Variants in ZNF431 observed in about 807,000 individuals in gnomAD.
ZNF431 encodes zinc finger protein 431.
ZNF431 carries 34 observed loss-of-function variants against 57.0 expected under a neutral mutation model. That is an observed-to-expected ratio of 0.60 (90% CI 0.45 to 0.79). The LOEUF is 0.79. ZNF431 is among the 30% of genes least tolerant of loss of function. The pLI is 0.00. For synonymous variants in ZNF431, 207 were observed against 220.3 expected (o/e 0.94, Z 0.54); for missense variants, 607 against 667.1 (o/e 0.91, Z 0.99).
chr19:21,186,451 TGTGA>T lies in ZNF431; in HGVS notation c.*2420_*2423del, dbSNP rs1971377493. On this transcript the variant is annotated 3_prime_UTR_variant, in exon 5 of 5. Coordinates refer to ENST00000311048, the MANE Select transcript of ZNF431 (RefSeq NM_133473.4). ...AAAATTATGGAGTTAAGTATGTGTG[TGTGA>T]GTATGAGTTTGTACATATTTTCAGA... 2 of 152,212 alleles carry T rather than the reference TGTGA, an allele frequency of 1.3e-5. No individual in the cohort carries two copies. The highest frequency in any genetic ancestry group is 2.9e-5 in the Non-Finnish European group (2 of 68,036). 9.4% of individuals were successfully genotyped at this position (152,212 alleles called of 1,614,324 possible). A position where few individuals can be genotyped will look rare whatever the true frequency, so the allele number is the denominator to read the frequency against.
At chr19:21,149,776 C>A in intron 2 of ZNF431, 1 of 634,728 alleles carries the variant, frequency 1.6e-6, no homozygotes. Flanking sequence ...TGTAGTTGGT[C>A]CTGATAGCTT....
chr19:21,183,084 A>C lies in ZNF431; in HGVS notation c.781A>C (p.Lys261Gln), dbSNP rs773217690. The change falls in exon 5 of 5, where the codon AAA becomes CAA. Residue 261 changes from lysine to glutamine, a missense_variant. Transcript: ENST00000311048. ...AATTCATACTGGAGAGAAACCCTTC[A>C]AATGTGAAGAATGTGGCAAAGCTTT... The part of the protein sequence containing the change: ...KRIHTGEKPF[K>Q]CEECGKAFKQ... 2.5e-6 allele frequency: 4 copies of C among 1,614,052 alleles called. No individual in the cohort carries two copies. Among genetic ancestry groups the C allele is most frequent in the Non-Finnish European group, 3.4e-6 (4 of 1,179,960 alleles).
chr19:21,173,606 A>G (rs947165179), intron 4 of ZNF431, among the ~76,000 whole-genome samples: 3 of 151,998 alleles, frequency 2.0e-5, no homozygotes, highest in Non-Finnish European at 4.4e-5. Context: ...GCTCACTGCA[A>G]CCTCTGCCTC....
At chr19:21,177,931 G>A (rs577698774) in intron 4 of ZNF431, among the ~76,000 whole-genome samples, 4 of 151,934 alleles carry the variant, frequency 2.6e-5, no homozygotes, top group African/African-American at 9.7e-5. Flanking sequence ...ACTTTGAGCA[G>A]TATGGCCATT....
At chr19:21,144,075 A>G (rs1970015611) in intron 2 of ZNF431, among the ~76,000 whole-genome samples, 1 of 151,892 alleles carries the variant, frequency 6.6e-6, no homozygotes, top group Admixed American at 6.6e-5. Context: ...CATGAGTCAG[A>G]CACACATTTG....
Position 21,167,524 on chromosome 19 carries a change from T to C in ZNF431, c.224-47T>C, listed in dbSNP as rs766564654. The C allele has an allele frequency of 2.9e-6, 4 of 1,388,872 alleles. No homozygotes were observed. In the Admixed American group the frequency reaches 6.8e-5, roughly 24 times the overall value. 86.0% of individuals were successfully genotyped at this position (1,388,872 alleles called of 1,614,324 possible). On this transcript the variant is annotated intron_variant, in intron 3 of 4. Coordinates refer to ENST00000311048, the MANE Select transcript of ZNF431 (RefSeq NM_133473.4). ...ACTGAGCACAGTACTAGGTTAGTAA[T>C]TAGAGAATATAGGCAAGATTCATGT...
intron 2 of ZNF431, among the ~76,000 whole-genome samples, chr19:21,159,394 G>A (rs184289436): frequency 2.4e-3 from 368 of 152,080 alleles, no homozygotes; most frequent in Non-Finnish European, 4.2e-3. Flanking sequence ...TGTTGTTGGA[G>A]GCGGAGTCTC....
intron 2 of ZNF431, among the ~76,000 whole-genome samples, chr19:21,156,691 ATCT>A (rs1220300634): frequency 1.7e-5 from 1 of 57,938 alleles, no homozygotes; most frequent in Non-Finnish European, 5.0e-5. Flanking sequence ...AAATAACTTA[ATCT>A]TGTTTTTTTT....
intron 4 of ZNF431, among the ~76,000 whole-genome samples, chr19:21,177,267 A>G (rs1971083535): frequency 6.6e-6 from 1 of 152,176 alleles, no homozygotes; most frequent in Non-Finnish European, 1.5e-5. Flanking sequence ...TTCTCCCAGC[A>G]CCATTTATTA....
Position 21,190,235 on chromosome 19 carries a change from C to T in ZNF431, c.*6201C>T, listed in dbSNP as rs1971479767. On this transcript the variant is annotated 3_prime_UTR_variant, in exon 5 of 5. Coordinates refer to ENST00000311048, the MANE Select transcript of ZNF431 (RefSeq NM_133473.4). ...AGTATTCCATTATGTATATCAACCA[C>T]ATTGTCTTTATTTACTCATTAGATG... 1 of 195,496 alleles carries T rather than the reference C, an allele frequency of 5.1e-6. No homozygotes were observed. The highest frequency in any genetic ancestry group is 1.0e-5 in the Non-Finnish European group (1 of 97,102). 12.1% of individuals were successfully genotyped at this position (195,496 alleles called of 1,614,324 possible). A position where few individuals can be genotyped will look rare whatever the true frequency, so the allele number is the denominator to read the frequency against.
rs1971472102 is a variant in ZNF431, at chr19:21,189,948, A to C, written c.*5914A>C. 3 of 397,682 alleles carry C rather than the reference A, an allele frequency of 7.5e-6. No individual in the cohort carries two copies. Among genetic ancestry groups the C allele is most frequent in the Middle Eastern group, 6.2e-4 (1 of 1,610 alleles). 24.6% of individuals were successfully genotyped at this position (397,682 alleles called of 1,614,324 possible). ...TGCTTGAGCCCAGGAGTTTGAGACC[A>C]GCCTGGACAACGTGGAAAAACCCCA... On this transcript the variant is annotated 3_prime_UTR_variant, in exon 5 of 5. Coordinates refer to ENST00000311048, the MANE Select transcript of ZNF431 (RefSeq NM_133473.4).
At chr19:21,146,858 T>C (rs1862947566) in intron 2 of ZNF431, among the ~76,000 whole-genome samples, 1 of 152,198 alleles carries the variant, frequency 6.6e-6, no homozygotes, top group Non-Finnish European at 1.5e-5. Context: ...AGATGTGCTC[T>C]GGTTCCTCTG....
intron 4 of ZNF431, among the ~76,000 whole-genome samples, chr19:21,179,708 G>A (rs538976438): frequency 4.6e-5 from 7 of 151,644 alleles, no homozygotes; most frequent in African/African-American, 1.2e-4. Flanking sequence ...TACAGGTGCC[G>A]GCCACCAAGC....
intron 2 of ZNF431, among the ~76,000 whole-genome samples, chr19:21,164,578 G>A (rs1970665586): frequency 6.6e-6 from 1 of 152,068 alleles, no homozygotes; most frequent in Non-Finnish European, 1.5e-5. Flanking sequence ...TTCTCAAGAT[G>A]CAGGTGTTAC....
intron 2 of ZNF431, among the ~76,000 whole-genome samples, chr19:21,154,462 T>C (rs1970364805): frequency 6.6e-6 from 1 of 152,230 alleles, no homozygotes. Flanking sequence ...CTATTGTGAA[T>C]AGTGCTGCAA....
chr19:21,165,120 T>C (rs1424259241), intron 2 of ZNF431, among the ~76,000 whole-genome samples: 1 of 151,582 alleles, frequency 6.6e-6, no homozygotes, highest in Non-Finnish European at 1.5e-5. Flanking sequence ...TGTTTTCCTA[T>C]GCACCAGACC....
In ZNF431 at chr19:21,183,886, C is replaced by G; in HGVS notation, c.1583C>G (p.Thr528Ser). The G allele has an allele frequency of 6.2e-7, 1 of 1,613,872 alleles. No homozygotes were observed. Among genetic ancestry groups the G allele is most frequent in the Admixed American group, 1.7e-5 (1 of 59,992 alleles). ...GCCTTTAACCAATCCTCAACTCTTA[C>G]TAAACATAGGAAAATTCATACTAGA... ...GKAFNQSSTL[T>S]KHRKIHTRQK... is the part of the protein sequence containing the mutation. Residue 528 changes from threonine to serine, a missense_variant, in exon 5 of 5, where the codon ACT becomes AGT. Physicochemically the swap from Thr to Ser is moderately conservative, Grantham distance 58. Coordinates refer to ENST00000311048, the MANE Select transcript of ZNF431 (RefSeq NM_133473.4).
intron 4 of ZNF431, among the ~76,000 whole-genome samples, chr19:21,176,238 CTTT>C (rs111362670): frequency 0.16 from 21,769 of 132,840 alleles, 1,706 homozygotes; most frequent in African/African-American, 0.27. Flanking sequence ...TCTTTGCTCA[CTTT>C]TTTTTTTTTT....
In ZNF431 at chr19:21,185,210, T is replaced by C. The variant is rs997332489; in HGVS notation, c.*1176T>C. ...AAATCAGAGTGCTAAGTATAGAAAA[T>C]CTGAAACTAAAGTTGGTAGAAAAGT... On this transcript the variant is annotated 3_prime_UTR_variant, in exon 5 of 5. Coordinates refer to ENST00000311048, the MANE Select transcript of ZNF431 (RefSeq NM_133473.4). 5.3e-5 allele frequency: 8 copies of C among 152,162 alleles called. No homozygotes were observed. The highest frequency in any genetic ancestry group is 1.9e-4 in the African/African-American group (8 of 41,436). 9.4% of individuals were successfully genotyped at this position (152,162 alleles called of 1,614,324 possible). A position where few individuals can be genotyped will look rare whatever the true frequency, so the allele number is the denominator to read the frequency against.
Sources: allele counts gnomAD v4.1 joint callset (sites outside exome capture counted in the v4.1 genomes callset), GRCh38; gene constraint gnomAD v4.1.1; transcripts MANE v1.5; gene names NCBI Gene and HGNC (gene_info 2026-07-23, HGNC 2026-07-21).